Variants in EYS observed in about 807,000 individuals in gnomAD.
EYS encodes the protein protein eyes shut homolog.
EYS carries 250 observed loss-of-function variants against 282.1 expected under a neutral mutation model. The observed-to-expected ratio is 0.89, with a 90% CI of 0.80 to 0.98. The LOEUF is 0.98. Among genes scored for constraint, EYS ranks in the 50% least tolerant of loss-of-function variants. The pLI is 0.00. For synonymous variants in EYS, 1,355 were observed against 1,282.9 expected, an observed-to-expected ratio of 1.06 and a Z score of -1.20; for missense variants, 4,016 against 3,709.0, an observed-to-expected ratio of 1.08 and a Z score of -2.15.
intron 26 of EYS, among the ~76,000 whole-genome samples, chr6:64,524,706 C>A (rs925325636): frequency 3.3e-5 from 5 of 151,812 alleles, no homozygotes; most frequent in Admixed American, 6.6e-5. Context: ...GTTATCCCAT[C>A]ACCATTTATT....
chr6:64,192,272 T>TGTGG (rs1030646466), intron 31 of EYS, among the ~76,000 whole-genome samples: 5 of 152,062 alleles, frequency 3.3e-5, no homozygotes, highest in Admixed American at 1.3e-4. Context: ...TCTCCCATTT[T>TGTGG]GTGGGTTGCT....
At chr6:65,483,700 T>C (rs538325072) in intron 5 of EYS, among the ~76,000 whole-genome samples, 24 of 152,242 alleles carry the variant, frequency 1.6e-4, no homozygotes, top group African/African-American at 5.5e-4. Flanking sequence ...GGTGTATTAG[T>C]TCATTTTCAT....
At chr6:64,003,939 C>T (rs1768215772) in intron 33 of EYS, among the ~76,000 whole-genome samples, 1 of 152,182 alleles carries the variant, frequency 6.6e-6, no homozygotes, top group Non-Finnish European at 1.5e-5. Context: ...TGTAAATTTC[C>T]TGAGGCCTCC....
At chr6:64,722,660 A>T (rs1771622915) in intron 22 of EYS, among the ~76,000 whole-genome samples, 1 of 152,180 alleles carries the variant, frequency 6.6e-6, no homozygotes, top group African/African-American at 2.4e-5. Context: ...TCACAGCTAC[A>T]AAGGAAATAC....
intron 13 of EYS, among the ~76,000 whole-genome samples, chr6:65,031,059 T>A (rs1012342412): frequency 6.6e-6 from 1 of 151,230 alleles, no homozygotes; most frequent in East Asian, 1.9e-4. Context: ...GCATTACACA[T>A]GATAAATAGG....
intron 22 of EYS, among the ~76,000 whole-genome samples, chr6:64,764,201 A>G (rs1382555467): frequency 6.6e-6 from 1 of 152,238 alleles, no homozygotes; most frequent in Non-Finnish European, 1.5e-5. Flanking sequence ...GCACTGCCCT[A>G]GTAGATGTTC....
chr6:64,271,918 C>A (rs768503419), intron 30 of EYS, among the ~76,000 whole-genome samples: 1 of 152,144 alleles, frequency 6.6e-6, no homozygotes, highest in Non-Finnish European at 1.5e-5. Flanking sequence ...CAGCTCACTG[C>A]AACCTCTGTG....
chr6:64,064,409 ACAG>A (rs1771291371), intron 33 of EYS, among the ~76,000 whole-genome samples: 1 of 152,220 alleles, frequency 6.6e-6, no homozygotes, highest in African/African-American at 2.4e-5. Context: ...TGAGCACTCA[ACAG>A]TTTTAAATTA....
intron 22 of EYS, among the ~76,000 whole-genome samples, chr6:64,775,583 C>T (rs1438103731): frequency 1.3e-5 from 2 of 152,012 alleles, no homozygotes; most frequent in Non-Finnish European, 2.9e-5. Context: ...TGTTAATCCT[C>T]TTTTCTGTCA....
At chr6:64,698,994 A>T (rs1770683903) in intron 22 of EYS, among the ~76,000 whole-genome samples, 1 of 152,214 alleles carries the variant, frequency 6.6e-6, no homozygotes, top group Admixed American at 6.5e-5. Flanking sequence ...AGAGGAATAT[A>T]AATCATTCTA....
rs1024933933 is a variant in EYS, at chr6:65,377,946, C to T, written c.1299+6440G>A. ...CAACCAAAAAAAGCCAAGGACCAGA[C>T]GAATTCACAGCTGAATTCTACCAGA... On this transcript the variant is annotated intron_variant, in intron 8 of 42. Transcript: ENST00000503581. 2.6e-5 allele frequency among the ~76,000 whole-genome samples: 4 copies of T among 152,182 alleles called. No individual in the cohort carries two copies. The South Asian group carries it at 6.2e-4, about 24-fold the overall frequency.
rs1774770254 is a variant in EYS, at chr6:64,152,307, A to G, written c.6425-70305T>C. Among the ~76,000 whole-genome samples, 3 of 152,304 alleles carry G rather than the reference A, an allele frequency of 2.0e-5. No homozygotes were observed. In the South Asian group the frequency reaches 6.2e-4, roughly 32 times the overall value. On this transcript the variant is annotated intron_variant, in intron 31 of 42. Coordinates refer to ENST00000503581, the MANE Select transcript of EYS (RefSeq NM_001142800.2). ...GAAAAAAAGTGATAACAAATTTGAAAGTTCATTGTCTTTATCACTCTGGGT... is the reference window on the plus strand; with the variant it reads ...GAAAAAAAGTGATAACAAATTTGAAGGTTCATTGTCTTTATCACTCTGGGT...
intron 12 of EYS, among the ~76,000 whole-genome samples, chr6:65,167,290 G>C (rs1187805686): frequency 6.6e-6 from 1 of 151,250 alleles, no homozygotes; most frequent in Admixed American, 6.6e-5. Context: ...ATGCATACAA[G>C]GGAATATATC....
intron 35 of EYS, among the ~76,000 whole-genome samples, chr6:63,964,011 A>G (rs906487014): frequency 6.6e-6 from 1 of 152,224 alleles, no homozygotes; most frequent in Non-Finnish European, 1.5e-5. Context: ...AAGGAAGATT[A>G]AATCTGGTTT....
intron 26 of EYS, among the ~76,000 whole-genome samples, chr6:64,543,440 T>C (rs1048538356): frequency 2.0e-5 from 3 of 152,020 alleles, no homozygotes; most frequent in African/African-American, 7.2e-5. Context: ...ATAGAAAAAA[T>C]ATAATGGGAC....
At chr6:64,641,334 C>T (rs1278903758) in intron 22 of EYS, among the ~76,000 whole-genome samples, 1 of 152,140 alleles carries the variant, frequency 6.6e-6, no homozygotes, top group African/African-American at 2.4e-5. Context: ...GAAAGAACCT[C>T]CACCATAATT....
chr6:64,988,355 T>C (rs1203879851), intron 14 of EYS, among the ~76,000 whole-genome samples: 2 of 151,538 alleles, frequency 1.3e-5, no homozygotes, highest in Non-Finnish European at 3.0e-5. Flanking sequence ...CAGCATCCGA[T>C]GATATCATGT....
chr6:64,959,938 CACTT>C (rs1281134245), intron 14 of EYS, among the ~76,000 whole-genome samples: 1 of 143,810 alleles, frequency 7.0e-6, no homozygotes, highest in Non-Finnish European at 1.5e-5. Flanking sequence ...TGTTGCCAAT[CACTT>C]ACCACAGTGC....
At chr6:64,371,677 C>A (rs1772379805) in intron 29 of EYS, among the ~76,000 whole-genome samples, 1 of 152,090 alleles carries the variant, frequency 6.6e-6, no homozygotes, top group South Asian at 2.1e-4. Context: ...AGAGCTTGAT[C>A]TATGAATCTG....
Sources: allele counts gnomAD v4.1 joint callset (sites outside exome capture counted in the v4.1 genomes callset), GRCh38; gene constraint gnomAD v4.1.1; transcripts MANE v1.5; gene names NCBI Gene and HGNC (gene_info 2026-07-23, HGNC 2026-07-21).